The following RELN variants were observed in gnomAD, a reference collection of about 807,000 sequenced individuals.
The protein encoded by RELN is reelin.
In RELN, 108 loss-of-function variants were observed where a neutral mutation model predicts 427.6. The observed-to-expected ratio is 0.25, with a 90% CI of 0.22 to 0.30. RELN has a LOEUF of 0.30. Ranked by LOEUF, RELN falls within the 10% of genes least tolerant of loss-of-function variation. RELN has a pLI of 1.00. For missense variants in RELN, 3,715 were observed against 4,302.8 expected, an observed-to-expected ratio of 0.86 and a Z score of 3.82; for synonymous variants, 1,524 against 1,513.4, an observed-to-expected ratio of 1.01 and a Z score of -0.16.
chr7:103,808,000 T>C (rs1015959605), intron 3 of RELN, among the ~76,000 whole-genome samples: 4 of 151,932 alleles, frequency 2.6e-5, no homozygotes, highest in African/African-American at 9.7e-5. Context: ...TAAGCAAAAG[T>C]TTAGATGTAA....
chr7:103,612,506 C>T (rs907621707), intron 20 of RELN, among the ~76,000 whole-genome samples: 1 of 152,006 alleles, frequency 6.6e-6, no homozygotes, highest in Non-Finnish European at 1.5e-5. Flanking sequence ...AACTCCCGAC[C>T]TCAGGTGATC....
intron 16 of RELN, among the ~76,000 whole-genome samples, chr7:103,644,747 A>C (rs968674707): frequency 7.9e-5 from 12 of 151,792 alleles, no homozygotes; most frequent in African/African-American, 2.7e-4. Context: ...AGACTTGCTA[A>C]AGATTTAGAC....
chr7:103,540,151 A>G lies in RELN; in HGVS notation c.6930+46T>C, dbSNP rs762411799. 8 of 1,610,584 alleles carry G rather than the reference A, an allele frequency of 5.0e-6. No homozygotes were observed. The East Asian group carries it at 1.8e-4, about 36-fold the overall frequency. On this transcript the variant is annotated intron_variant, in intron 44 of 64. Coordinates refer to ENST00000428762, the MANE Select transcript of RELN (RefSeq NM_005045.4). ...CTAAATGCCTTCTAAGGCCACATTC[A>G]GCTCAAGTGACGACAATTAAAATAG...
chr7:103,735,208 T>C (rs1395401539), intron 6 of RELN, among the ~76,000 whole-genome samples: 2 of 152,156 alleles, frequency 1.3e-5, no homozygotes, highest in African/African-American at 2.4e-5. Context: ...ACAAGCTCCT[T>C]GGTAGATTGC....
At chr7:103,796,482 A>C (rs963492709) in intron 3 of RELN, among the ~76,000 whole-genome samples, 4 of 152,212 alleles carry the variant, frequency 2.6e-5, no homozygotes, top group African/African-American at 7.2e-5. Context: ...TAGTGAGAAG[A>C]ATAGAAATAA....
Position 103,780,471 on chromosome 7 carries a change from T to A in RELN, c.474-3844A>T, listed in dbSNP as rs1288096906. Among the ~76,000 whole-genome samples, 3 of 152,218 alleles carry A rather than the reference T, an allele frequency of 2.0e-5. No individual in the cohort carries two copies. The East Asian group carries it at 5.8e-4, about 29-fold the overall frequency. Reference sequence around the variant, plus strand: ...CACAGGTAAACTTGTGTCACTGGGGTTTGTTGTACAGATTACTTCATCACC... The same window carrying A: ...CACAGGTAAACTTGTGTCACTGGGGATTGTTGTACAGATTACTTCATCACC... On this transcript the variant is annotated intron_variant, in intron 3 of 64. Coordinates refer to ENST00000428762, the MANE Select transcript of RELN (RefSeq NM_005045.4).
intron 9 of RELN, 98 bp downstream of exon 9, chr7:103,700,812 T>C (rs1013313142): frequency 1.9e-5 from 15 of 799,152 alleles, no homozygotes; most frequent in African/African-American, 8.4e-5. Context: ...GAGTCCTTTT[T>C]ACCCTAAAGA....
intron 4 of RELN, among the ~76,000 whole-genome samples, chr7:103,755,815 G>GGAAA (rs532931399): frequency 2.9e-5 from 3 of 103,626 alleles, no homozygotes; most frequent in African/African-American, 7.4e-5. Flanking sequence ...TCCACCTCAA[G>GGAAA]AAAAAAAAAA....
Position 103,889,564 on chromosome 7 carries a change from C to T in RELN, c.337+27511G>A, listed in dbSNP as rs1009428750. On this transcript the variant is annotated intron_variant, in intron 2 of 64. Coordinates refer to ENST00000428762, the MANE Select transcript of RELN (RefSeq NM_005045.4). ...ACTTTTCAGTCACCGTTGATACAAACGGGCTTAGATGGAGTCAGAGCCACT... is the reference window on the plus strand; with the variant it reads ...ACTTTTCAGTCACCGTTGATACAAATGGGCTTAGATGGAGTCAGAGCCACT... Among the ~76,000 whole-genome samples, 54 of 152,266 alleles carry T rather than the reference C, an allele frequency of 3.5e-4. 1 individual carries two copies. Among genetic ancestry groups the T allele is most frequent in the Middle Eastern group, 6.8e-3 (2 of 294 alleles).
chr7:103,733,658 G>A (rs1221307313), intron 6 of RELN, among the ~76,000 whole-genome samples: 1 of 134,442 alleles, frequency 7.4e-6, no homozygotes, highest in East Asian at 2.1e-4. Context: ...GATGAAATTT[G>A]AAATCATCAT....
chr7:103,472,662 A>T lies in RELN; in HGVS notation c.*150T>A, dbSNP rs1827893415. On this transcript the variant is annotated 3_prime_UTR_variant, in exon 65 of 65. Transcript: ENST00000428762. ...CTTGTCATTAGTTCACAGTGTGGGA[A>T]AGTGGTGTACACTCGGTCTTGAGAA... 1 of 666,760 alleles carries T rather than the reference A, an allele frequency of 1.5e-6. No individual in the cohort carries two copies. Among genetic ancestry groups the T allele is most frequent in the Non-Finnish European group, 2.7e-6 (1 of 366,638 alleles). 41.3% of individuals were successfully genotyped at this position (666,760 alleles called of 1,614,324 possible).
At chr7:103,696,984 C>G (rs1027269742) in intron 10 of RELN, among the ~76,000 whole-genome samples, 2 of 152,146 alleles carry the variant, frequency 1.3e-5, no homozygotes, top group African/African-American at 4.8e-5. Context: ...GACAACTATT[C>G]TGAATTTTTC....
chr7:103,692,909 C>T (rs1833901239), intron 10 of RELN, among the ~76,000 whole-genome samples: 1 of 151,986 alleles, frequency 6.6e-6, no homozygotes, highest in Non-Finnish European at 1.5e-5. Context: ...TTGAACTGAG[C>T]CCCTAAAGAT....
intron 57 of RELN, among the ~76,000 whole-genome samples, chr7:103,493,617 A>G (rs1248264110): frequency 6.6e-6 from 1 of 152,160 alleles, no homozygotes; most frequent in African/African-American, 2.4e-5. Context: ...ATGGAGAGAG[A>G]AGAAAGTTGA....
chr7:103,784,307 A>C (rs1791964320), intron 3 of RELN, among the ~76,000 whole-genome samples: 2 of 152,150 alleles, frequency 1.3e-5, no homozygotes, highest in Admixed American at 1.3e-4. Context: ...TCAGGAGAAA[A>C]TAACTTTATG....
intron 1 of RELN, among the ~76,000 whole-genome samples, chr7:103,974,191 C>G (rs1275223924): frequency 6.6e-6 from 1 of 152,154 alleles, no homozygotes; most frequent in South Asian, 2.1e-4. Flanking sequence ...TTTTCTGTGA[C>G]AGGCATAATG....
chr7:103,633,072 T>C (rs966035606), intron 19 of RELN, among the ~76,000 whole-genome samples: 10 of 152,128 alleles, frequency 6.6e-5, no homozygotes, highest in African/African-American at 2.2e-4. Flanking sequence ...CTTAGATATA[T>C]TAAATTTTTA....
intron 3 of RELN, among the ~76,000 whole-genome samples, chr7:103,819,087 T>C (rs559685286): frequency 6.6e-6 from 1 of 152,282 alleles, no homozygotes; most frequent in East Asian, 1.9e-4. Context: ...CAGGTGTCAG[T>C]GTGACTGTGC....
At chr7:103,643,720 G>C (rs866043455) in intron 16 of RELN, among the ~76,000 whole-genome samples, 12 of 151,918 alleles carry the variant, frequency 7.9e-5, no homozygotes, top group African/African-American at 9.7e-5. Flanking sequence ...TTATAAGCCA[G>C]AAGAGATTGG....
Sources: gnomAD v4.1 joint callset for allele counts (sites outside exome capture counted in the v4.1 genomes callset) on GRCh38, gnomAD v4.1.1 for gene constraint, MANE v1.5 for transcripts, NCBI Gene and HGNC (gene_info 2026-07-23, HGNC 2026-07-21) for gene names.